PGCKA1: variants seen among roughly 807,000 people sequenced by gnomAD.
The protein encoded by PGCKA1 is PDCD10 and GCKIII kinases-associated protein 1.
the PGCKA1 span, among the ~76,000 whole-genome samples, chr4:37,470,104 C>T: frequency 6.6e-6 from 1 of 152,114 alleles, no homozygotes; most frequent in Non-Finnish European, 1.5e-5. Flanking sequence ...AGAGTTAGAA[C>T]ATAGCATCTG....
chr4:37,486,709 T>G, the PGCKA1 span, among the ~76,000 whole-genome samples: 1 of 152,212 alleles, frequency 6.6e-6, no homozygotes, highest in African/African-American at 2.4e-5. Context: ...TGTTCCTTTT[T>G]GGGACTTTCA....
At chr4:37,575,907 A>C in the PGCKA1 span, among the ~76,000 whole-genome samples, 1 of 152,096 alleles carries the variant, frequency 6.6e-6, no homozygotes, top group Non-Finnish European at 1.5e-5. Flanking sequence ...TGAGAACACT[A>C]TAAGTGTATT....
At chr4:37,574,659 G>A in the PGCKA1 span, among the ~76,000 whole-genome samples, 1 of 152,090 alleles carries the variant, frequency 6.6e-6, no homozygotes, top group Non-Finnish European at 1.5e-5. Context: ...CTTATTGACT[G>A]TAGTCACCTG....
At chr4:37,491,916 A>G in the PGCKA1 span, among the ~76,000 whole-genome samples, 1 of 151,908 alleles carries the variant, frequency 6.6e-6, no homozygotes, top group Non-Finnish European at 1.5e-5. Flanking sequence ...ATATAATGCT[A>G]TCATGTTTTT....
At chr4:37,538,661 C>T in the PGCKA1 span, among the ~76,000 whole-genome samples, 1 of 152,194 alleles carries the variant, frequency 6.6e-6, no homozygotes, top group African/African-American at 2.4e-5. Context: ...CTTGCACTTT[C>T]CCTGGAGGTG....
At chr4:37,483,260 G>C in the PGCKA1 span, among the ~76,000 whole-genome samples, 1 of 152,140 alleles carries the variant, frequency 6.6e-6, no homozygotes, top group African/African-American at 2.4e-5. Context: ...TCCCAGACAG[G>C]CTGAACTGTG....
the PGCKA1 span, among the ~76,000 whole-genome samples, chr4:37,575,983 G>A: frequency 6.6e-6 from 1 of 152,082 alleles, no homozygotes; most frequent in Admixed American, 6.6e-5. Context: ...AAACCATGCT[G>A]TACCGATTAC....
chr4:37,563,958 G>A, the PGCKA1 span, among the ~76,000 whole-genome samples: 1 of 152,112 alleles, frequency 6.6e-6, no homozygotes, highest in Non-Finnish European at 1.5e-5. Flanking sequence ...GTGTCTAAAT[G>A]GAACTAGCAC....
At chr4:37,590,972 CAGG>C in the PGCKA1 span, 4 of 1,612,786 alleles carry the variant, frequency 2.5e-6, no homozygotes, top group East Asian at 6.7e-5. Flanking sequence ...GCTGCTACTG[CAGG>C]AGAAGATTTG....
the PGCKA1 span, among the ~76,000 whole-genome samples, chr4:37,506,501 A>G: frequency 1.3e-5 from 2 of 149,024 alleles, no homozygotes; most frequent in Admixed American, 6.7e-5. Flanking sequence ...GAAGTTTTCA[A>G]TTTTCTTCTG....
the PGCKA1 span, among the ~76,000 whole-genome samples, chr4:37,548,077 G>A: frequency 0.012 from 1,836 of 151,318 alleles, 31 homozygotes; most frequent in African/African-American, 0.042. Context: ...TTCTTGTCCT[G>A]AAATAAATTA....
At chr4:37,476,818 C>G in the PGCKA1 span, among the ~76,000 whole-genome samples, 2 of 152,042 alleles carry the variant, frequency 1.3e-5, no homozygotes, top group Non-Finnish European at 2.9e-5. Context: ...ATTACCTTGC[C>G]TGCAGCAGGT....
chr4:37,581,015 T>C, the PGCKA1 span, among the ~76,000 whole-genome samples: 339 of 152,282 alleles, frequency 2.2e-3, 1 homozygote, highest in African/African-American at 7.8e-3. The surrounding 1 kb of genome is among the most constrained non-coding windows in gnomAD (Gnocchi z 4.4). Flanking sequence ...CCTATCACCA[T>C]TACTACCACA....
At chr4:37,552,282 C>T in the PGCKA1 span, among the ~76,000 whole-genome samples, 7 of 152,192 alleles carry the variant, frequency 4.6e-5, no homozygotes, top group African/African-American at 1.2e-4. Flanking sequence ...CCCTAGATTG[C>T]TCAATCAATC....
the PGCKA1 span, among the ~76,000 whole-genome samples, chr4:37,508,730 G>A: frequency 8.7e-4 from 107 of 122,436 alleles, no homozygotes; most frequent in Non-Finnish European, 1.2e-3. Flanking sequence ...CTTGCAGAGG[G>A]GGATTTGGCA....
chr4:37,510,198 T>C, the PGCKA1 span, among the ~76,000 whole-genome samples: 1 of 152,162 alleles, frequency 6.6e-6, no homozygotes, highest in African/African-American at 2.4e-5. Context: ...TCTCTATTTC[T>C]CCAGGATTGG....
chr4:37,542,357 G>T, the PGCKA1 span, among the ~76,000 whole-genome samples: 1 of 152,078 alleles, frequency 6.6e-6, no homozygotes, highest in Admixed American at 6.6e-5. Context: ...CTAGTTCAGG[G>T]GTGGCTCCAC....
the PGCKA1 span, among the ~76,000 whole-genome samples, chr4:37,506,754 C>A: frequency 2.0e-5 from 3 of 152,104 alleles, no homozygotes; most frequent in African/African-American, 4.8e-5. Flanking sequence ...GTATATTCTG[C>A]AGCCATTCAG....
the PGCKA1 span, among the ~76,000 whole-genome samples, chr4:37,462,405 G>A: frequency 1.3e-5 from 2 of 152,178 alleles, no homozygotes; most frequent in Non-Finnish European, 2.9e-5. Context: ...TTTCTATTTG[G>A]TCTTTGGAGG....
Sources: allele counts gnomAD v4.1 joint callset (sites outside exome capture counted in the v4.1 genomes callset), GRCh38; gene constraint gnomAD v4.1.1; non-coding constraint Gnocchi (gnomAD v3.1); transcripts MANE v1.5; gene names NCBI Gene and HGNC (gene_info 2026-07-23, HGNC 2026-07-21).